PRELID2: variants seen among roughly 807,000 people sequenced by gnomAD.
The protein encoded by PRELID2 is PRELI domain-containing protein 2.
In PRELID2, 25 loss-of-function variants were observed where a neutral mutation model predicts 28.4. The observed-to-expected ratio is 0.88, with a 90% CI of 0.64 to 1.23. The LOEUF (loss-of-function observed/expected upper bound fraction) is 1.23. Among genes scored for constraint, PRELID2 ranks in the 50% most tolerant of loss-of-function variants. The pLI is 0.00. For synonymous variants in PRELID2, 76 were observed against 71.6 expected (o/e 1.06, Z -0.31); for missense variants, 201 against 214.4 (o/e 0.94, Z 0.39).
intron 1 of PRELID2, among the ~76,000 whole-genome samples, chr5:145,547,289 A>T (rs1014409661): frequency 3.3e-5 from 5 of 152,164 alleles, no homozygotes; most frequent in Non-Finnish European, 7.4e-5. Flanking sequence ...GTTATTATAG[A>T]TCACAAAATG....
intron 1 of PRELID2, among the ~76,000 whole-genome samples, chr5:145,557,109 C>T (rs981897273): frequency 1.4e-4 from 22 of 152,294 alleles, no homozygotes; most frequent in African/African-American, 2.4e-4. Context: ...GTCCCCAACA[C>T]CCAGCACACT....
At chr5:145,724,639 A>ATATATATG (rs1756088790) in intron 1 of PRELID2, among the ~76,000 whole-genome samples, 8 of 109,236 alleles carry the variant, frequency 7.3e-5, no homozygotes, top group Non-Finnish European at 1.3e-4. Context: ...ATATATATAT[A>ATATATATG]TATATATAAT....
chr5:145,590,217 C>T (rs1254427995), intron 1 of PRELID2, among the ~76,000 whole-genome samples: 1 of 152,116 alleles, frequency 6.6e-6, no homozygotes, highest in Non-Finnish European at 1.5e-5. Flanking sequence ...CTGGTCCTCC[C>T]CCAGATTATT....
At chr5:145,381,284 A>T in the PRELID2 span, among the ~76,000 whole-genome samples, 4 of 152,178 alleles carry the variant, frequency 2.6e-5, no homozygotes, top group African/African-American at 9.7e-5. Context: ...TTAAATTGTG[A>T]GAGAAAAACT....
At chr5:145,750,096 TA>T (rs200248400) in intron 1 of PRELID2, among the ~76,000 whole-genome samples, 6,014 of 149,908 alleles carry the variant, frequency 0.04, 186 homozygotes, top group African/African-American at 0.081. Context: ...AAAATTAAAT[TA>T]AAAAAAAAGA....
intron 1 of PRELID2, among the ~76,000 whole-genome samples, chr5:145,484,615 TA>T (rs1752197125): frequency 6.6e-6 from 1 of 152,182 alleles, no homozygotes; most frequent in African/African-American, 2.4e-5. Context: ...TATAAGATCT[TA>T]AAAGGCAAGG....
chr5:145,463,593 A>C, the PRELID2 span, among the ~76,000 whole-genome samples: 1 of 152,130 alleles, frequency 6.6e-6, no homozygotes, highest in Non-Finnish European at 1.5e-5. Flanking sequence ...AACGGGAAGG[A>C]CTCTGATATG....
chr5:145,533,475 A>T (rs1752672552), intron 1 of PRELID2, among the ~76,000 whole-genome samples: 1 of 151,990 alleles, frequency 6.6e-6, no homozygotes, highest in South Asian at 2.1e-4. Context: ...AGGTGGAATA[A>T]CTCTCTTTGA....
the PRELID2 span, among the ~76,000 whole-genome samples, chr5:145,269,692 C>T: frequency 0.016 from 2,336 of 150,524 alleles, 25 homozygotes; most frequent in South Asian, 0.031. Context: ...GAAGAGAAGA[C>T]GAGCCAAACT....
the PRELID2 span, among the ~76,000 whole-genome samples, chr5:145,425,428 T>C: frequency 6.6e-6 from 1 of 152,190 alleles, no homozygotes; most frequent in African/African-American, 2.4e-5. Flanking sequence ...GGAATATAAA[T>C]CATTCTATTA....
chr5:145,797,151 CA>C (rs1052388972), intron 4 of PRELID2, among the ~76,000 whole-genome samples: 2 of 152,114 alleles, frequency 1.3e-5, no homozygotes, highest in Non-Finnish European at 2.9e-5. Flanking sequence ...TGTCATAAAA[CA>C]GAGATCTAGA....
chr5:145,318,698 G>T, the PRELID2 span, among the ~76,000 whole-genome samples: 1 of 152,214 alleles, frequency 6.6e-6, no homozygotes, highest in Non-Finnish European at 1.5e-5. Flanking sequence ...CCCCATGGTA[G>T]TGTCTAGGGG....
chr5:145,682,001 T>C (rs1754945805), intron 1 of PRELID2, among the ~76,000 whole-genome samples: 1 of 152,068 alleles, frequency 6.6e-6, no homozygotes, highest in Non-Finnish European at 1.5e-5. Flanking sequence ...ACTCTTGCAA[T>C]AATTGCATAT....
chr5:145,426,650 T>A, the PRELID2 span, among the ~76,000 whole-genome samples: 1 of 152,196 alleles, frequency 6.6e-6, no homozygotes, highest in South Asian at 2.1e-4. Context: ...CATAATCTTG[T>A]GTGACTTTTC....
At chr5:145,484,233 A>G (rs530101021) in intron 1 of PRELID2, among the ~76,000 whole-genome samples, 1 of 152,314 alleles carries the variant, frequency 6.6e-6, no homozygotes, top group East Asian at 1.9e-4. Flanking sequence ...GACTTTGAAC[A>G]TATGGAGACT....
rs367896526 is a variant in PRELID2, at chr5:145,784,418, T to C, written c.474+12024A>G. 2.2e-4 allele frequency among the ~76,000 whole-genome samples: 33 copies of C among 152,294 alleles called. No homozygotes were observed. In the South Asian group the frequency reaches 6.8e-3, roughly 32 times the overall value. On this transcript the variant is annotated intron_variant, in intron 5 of 6. Transcript: ENST00000683046. ...AAGTGAGATTAGCCTAATTTATTAATGATAAATGGAAGTTTTAAGAAGTTA... is the reference window on the plus strand; with the variant it reads ...AAGTGAGATTAGCCTAATTTATTAACGATAAATGGAAGTTTTAAGAAGTTA...
At chr5:145,291,341 A>C in the PRELID2 span, among the ~76,000 whole-genome samples, 1 of 148,850 alleles carries the variant, frequency 6.7e-6, no homozygotes, top group African/African-American at 2.5e-5. Context: ...GTTTCAGAAA[A>C]AAAAAAAAAA....
the PRELID2 span, among the ~76,000 whole-genome samples, chr5:145,372,946 TATG>T: frequency 4.3e-4 from 22 of 50,976 alleles, no homozygotes; most frequent in Non-Finnish European, 8.4e-4. Flanking sequence ...ATATAATATA[TATG>T]ATATTATATA....
At position 145,774,761 on chromosome 5, in the gene PRELID2, A is replaced by G. The variant is rs193222578; in HGVS notation, c.475-9761T>C. On this transcript the variant is annotated intron_variant, in intron 5 of 6. Coordinates refer to ENST00000683046, the MANE Select transcript of PRELID2 (RefSeq NM_205846.3). The stretch of plus-strand genomic sequence containing the variant: ...CCTCAGGTCATAGTAGTCATCAAAG[A>G]CAGAACTAGGATCCAGTTCCAGGGA... 7.7e-4 allele frequency among the ~76,000 whole-genome samples: 117 copies of G among 152,382 alleles called. 1 individual carries two copies. The highest frequency in any genetic ancestry group is 7.7e-4 in the East Asian group (4 of 5,190).
Sources: allele counts gnomAD v4.1 joint callset (sites outside exome capture counted in the v4.1 genomes callset), GRCh38; gene constraint gnomAD v4.1.1; transcripts MANE v1.5; gene names NCBI Gene and HGNC (gene_info 2026-07-23, HGNC 2026-07-21).